Variants in AGBL1 observed in about 807,000 individuals in gnomAD.
The protein encoded by AGBL1 is AGBL carboxypeptidase 1, also known as cytosolic carboxypeptidase 4.
Under a neutral mutation model 118.9 loss-of-function variants are expected in AGBL1, and 130 were observed. The observed-to-expected ratio is 1.09, with a 90% CI of 0.95 to 1.26. The LOEUF (loss-of-function observed/expected upper bound fraction) is 1.26, where lower values mean the gene tolerates loss of function less well. Among genes scored for constraint, AGBL1 ranks in the 50% most tolerant of loss-of-function variants. AGBL1 has a pLI of 0.00. For missense variants in AGBL1, 1,584 were observed against 1,298.1 expected (o/e 1.22, Z -3.38); for synonymous variants, 555 against 478.9 (o/e 1.16, Z -2.08).
intron 22 of AGBL1, among the ~76,000 whole-genome samples, chr15:86,777,562 T>G (rs998743167): frequency 1.3e-5 from 2 of 152,140 alleles, no homozygotes; most frequent in Non-Finnish European, 2.9e-5. Context: ...ATTTGCAGAT[T>G]TATTTAGGGA....
At chr15:86,842,633 C>T (rs2079261712) in intron 22 of AGBL1, among the ~76,000 whole-genome samples, 1 of 152,128 alleles carries the variant, frequency 6.6e-6, no homozygotes, top group African/African-American at 2.4e-5. Context: ...CTCTCTGCAG[C>T]AGGAAAGTGA....
intron 22 of AGBL1, among the ~76,000 whole-genome samples, chr15:86,791,299 C>T (rs1194202592): frequency 1.3e-5 from 2 of 152,156 alleles, no homozygotes; most frequent in African/African-American, 4.8e-5. Flanking sequence ...ATATGAATCT[C>T]AGTACTTCCA....
rs2076994657 is a variant in AGBL1, at chr15:86,143,696, C to G, written c.116-3C>G. On this transcript the variant is annotated splice_region_variant and splice_polypyrimidine_tract_variant and intron_variant, in intron 2 of 22. Transcript: ENST00000614907. ...GCTCATCTTTCCTCCGGTTTCCCCT[C>G]AGGCACAGACCGGAGAATTCACTAC... is the stretch of plus-strand genomic sequence containing the variant. 6.2e-7 allele frequency: 1 copy of G among 1,613,256 alleles called. No homozygotes were observed. The highest frequency in any genetic ancestry group is 8.5e-7 in the Non-Finnish European group (1 of 1,179,438).
intron 21 of AGBL1, among the ~76,000 whole-genome samples, chr15:86,665,169 C>T (rs991348938): frequency 6.6e-6 from 1 of 152,080 alleles, no homozygotes; most frequent in Non-Finnish European, 1.5e-5. Flanking sequence ...AATATTTCCA[C>T]GGTGTGAATT....
intron 6 of AGBL1, among the ~76,000 whole-genome samples, chr15:86,230,819 G>A (rs2078443368): frequency 1.3e-5 from 2 of 152,128 alleles, no homozygotes; most frequent in South Asian, 4.1e-4. Flanking sequence ...TGAGGTAATT[G>A]ACACATGCAG....
intron 22 of AGBL1, among the ~76,000 whole-genome samples, chr15:86,689,261 C>T (rs890498003): frequency 6.6e-6 from 1 of 152,098 alleles, no homozygotes; most frequent in Non-Finnish European, 1.5e-5. Flanking sequence ...GTCATAATCT[C>T]AGCTTAAATT....
chr15:86,489,335 T>G (rs2082750401), intron 18 of AGBL1, among the ~76,000 whole-genome samples: 1 of 152,102 alleles, frequency 6.6e-6, no homozygotes, highest in African/African-American at 2.4e-5. Flanking sequence ...GTCAAATCTG[T>G]TTGGATCTGC....
intron 22 of AGBL1, among the ~76,000 whole-genome samples, chr15:86,675,299 T>C (rs2142552730): frequency 6.6e-6 from 1 of 152,258 alleles, no homozygotes; most frequent in East Asian, 1.9e-4. Context: ...CCTGGGGCCA[T>C]CTTATTTTGA....
intron 13 of AGBL1, among the ~76,000 whole-genome samples, chr15:86,267,863 G>C (rs1164792322): frequency 6.6e-6 from 1 of 152,166 alleles, no homozygotes; most frequent in Non-Finnish European, 1.5e-5. Flanking sequence ...ACAGATAATG[G>C]TGTGGTGGCC....
chr15:86,581,538 A>T (rs2084172649), intron 21 of AGBL1, among the ~76,000 whole-genome samples: 1 of 152,156 alleles, frequency 6.6e-6, no homozygotes, highest in Admixed American at 6.5e-5. Flanking sequence ...TCCAAATTGG[A>T]TCATCATTTT....
chr15:86,571,919 C>A (rs1250961035), intron 21 of AGBL1, among the ~76,000 whole-genome samples: 1 of 152,180 alleles, frequency 6.6e-6, no homozygotes, highest in South Asian at 2.1e-4. Context: ...CACACCCAGG[C>A]TGTTCATGCT....
At chr15:86,720,843 A>C (rs2086707682) in intron 22 of AGBL1, among the ~76,000 whole-genome samples, 1 of 152,200 alleles carries the variant, frequency 6.6e-6, no homozygotes, top group Admixed American at 6.5e-5. Flanking sequence ...CAGAAATACA[A>C]ACTACCATCA....
intron 1 of AGBL1, among the ~76,000 whole-genome samples, chr15:86,111,097 G>T (rs2141539789): frequency 6.6e-6 from 1 of 152,358 alleles, no homozygotes; most frequent in African/African-American, 2.4e-5. Flanking sequence ...GAGGAGAATT[G>T]CCTGGAGGCA....
intron 22 of AGBL1, among the ~76,000 whole-genome samples, chr15:86,832,505 T>A (rs1173306751): frequency 6.6e-6 from 1 of 152,204 alleles, no homozygotes; most frequent in Non-Finnish European, 1.5e-5. Context: ...CCAGATGCCC[T>A]AAATCATCTC....
At chr15:86,760,493 T>C (rs2078008284) in intron 22 of AGBL1, among the ~76,000 whole-genome samples, 1 of 152,044 alleles carries the variant, frequency 6.6e-6, no homozygotes. Flanking sequence ...GGGTGAGGGA[T>C]GGAGGTGCAT....
In AGBL1 at chr15:86,366,285, C is replaced by A. The variant is rs150619883; in HGVS notation, c.2375-31081C>A. On this transcript the variant is annotated intron_variant, in intron 17 of 22. Transcript: ENST00000614907. ...TTAACACACCAGAATTTGGTTAAGG[C>A]TAGAGAGGAACAAAGTAGTACTTAT... Among the ~76,000 whole-genome samples, 26 of 152,236 alleles carry A rather than the reference C, an allele frequency of 1.7e-4. No homozygotes were observed. In the East Asian group the frequency reaches 4.6e-3, roughly 27 times the overall value.
chr15:86,967,751 AC>A (rs2081069238), intron 23 of AGBL1, among the ~76,000 whole-genome samples: 1 of 152,074 alleles, frequency 6.6e-6, no homozygotes, highest in African/African-American at 2.4e-5. Flanking sequence ...GTTTGAAGTT[AC>A]GTAGCATGAT....
intron 22 of AGBL1, among the ~76,000 whole-genome samples, chr15:86,687,052 AG>A (rs2086070956): frequency 6.6e-6 from 1 of 152,136 alleles, no homozygotes; most frequent in African/African-American, 2.4e-5. Flanking sequence ...TGCACCGGTC[AG>A]GGTTTTGTCA....
At chr15:86,183,910 T>G (rs1316724830) in intron 5 of AGBL1, among the ~76,000 whole-genome samples, 2 of 152,166 alleles carry the variant, frequency 1.3e-5, no homozygotes, top group Non-Finnish European at 2.9e-5. Flanking sequence ...CAAGAGTCAA[T>G]GAGGCAGAGA....
Sources: allele counts gnomAD v4.1 joint callset (sites outside exome capture counted in the v4.1 genomes callset), GRCh38; gene constraint gnomAD v4.1.1; transcripts MANE v1.5; gene names NCBI Gene and HGNC (gene_info 2026-07-23, HGNC 2026-07-21).